Variants in PREX2 observed in about 807,000 individuals in gnomAD.
PREX2 encodes phosphatidylinositol 3,4,5-trisphosphate-dependent Rac exchanger 2 protein.
PREX2 carries 107 observed loss-of-function variants against 203.2 expected under a neutral mutation model. The ratio of observed to expected loss-of-function variants is 0.53; its 90% CI spans 0.45 to 0.62. The LOEUF is 0.62. Ranked by LOEUF, PREX2 falls within the 20% of genes least tolerant of loss-of-function variation. The pLI, the probability that PREX2 is intolerant of heterozygous loss-of-function variation, is 0.00. For synonymous variants in PREX2, 672 were observed against 663.6 expected, an observed-to-expected ratio of 1.01 and a Z score of -0.19; for missense variants, 1,777 against 1,955.9, an observed-to-expected ratio of 0.91 and a Z score of 1.72.
chr8:67,969,480 A>G (rs1454892912), intron 1 of PREX2, among the ~76,000 whole-genome samples: 1 of 152,082 alleles, frequency 6.6e-6, no homozygotes, highest in Non-Finnish European at 1.5e-5. Flanking sequence ...TGAGGGATGG[A>G]CCATCCCATA....
At position 67,952,373 on chromosome 8, in the gene PREX2, G is replaced by A. The variant is rs755683603; in HGVS notation, c.-22G>A. On this transcript the variant is annotated 5_prime_UTR_variant, in exon 1 of 40. Coordinates refer to ENST00000288368, the MANE Select transcript of PREX2 (RefSeq NM_024870.4). ...AGCGCTCAGCACGGCGGGCAGCGCC[G>A]CGCTGCGCACCGCCGCCGACCATGA... 1 of 1,516,330 alleles carries A rather than the reference G, an allele frequency of 6.6e-7. No homozygotes were observed. The highest frequency in any genetic ancestry group is 2.7e-5 in the East Asian group (1 of 37,392). The allele number at this position is 1,516,330 out of a possible 1,614,324, so 93.9% of individuals were successfully genotyped here.
Position 68,087,216 on chromosome 8 carries a change from A to C in PREX2, c.2028-508A>C, listed in dbSNP as rs529907983. ...TAAGTTATCCACCTACAAACTGACT[A>C]CTTGAAGATTCAAGGCTACGTTTAA... On this transcript the variant is annotated intron_variant, in intron 18 of 39. Transcript: ENST00000288368. Among the ~76,000 whole-genome samples, 3 of 152,290 alleles carry C rather than the reference A, an allele frequency of 2.0e-5. No individual in the cohort carries two copies. The East Asian group carries it at 5.8e-4, about 29-fold the overall frequency.
Position 68,038,164 on chromosome 8 carries a change from C to T in PREX2, c.711C>T (p.Ser237=), listed in dbSNP as rs1443724777. ...WQSHIEGWEG[S]NITDTCTEML... is the part of the protein sequence containing the mutation. The stretch of plus-strand genomic sequence containing the variant: ...TTGCATTTCTCCTGACTTAGGGGTC[C>T]AACATCACTGACACCTGCACTGAAA... Residue 237 remains serine (S), a synonymous_variant, in exon 7 of 40, where the codon TCC becomes TCT. Coordinates refer to ENST00000288368, the MANE Select transcript of PREX2 (RefSeq NM_024870.4). 2 of 1,613,268 alleles carry T rather than the reference C, an allele frequency of 1.2e-6. No individual in the cohort carries two copies. The highest frequency in any genetic ancestry group is 1.7e-6 in the Non-Finnish European group (2 of 1,179,430).
At chr8:68,130,275 G>A (rs896381053) in intron 31 of PREX2, among the ~76,000 whole-genome samples, 1 of 137,962 alleles carries the variant, frequency 7.2e-6, no homozygotes, top group Non-Finnish European at 1.6e-5. Context: ...GGGTGACAGA[G>A]CAAGATGCTC....
intron 33 of PREX2, among the ~76,000 whole-genome samples, chr8:68,143,367 C>T (rs147896493): frequency 1.3e-5 from 2 of 152,186 alleles, no homozygotes; most frequent in Non-Finnish European, 2.9e-5. Flanking sequence ...ATATGATGTG[C>T]CTGCTACCCC....
intron 6 of PREX2, among the ~76,000 whole-genome samples, chr8:68,036,827 T>C (rs950286377): frequency 2.0e-5 from 3 of 151,826 alleles, no homozygotes; most frequent in Admixed American, 1.3e-4. Context: ...CCTGTAATCC[T>C]AGCTACTCGG....
At chr8:68,201,206 AAAT>A (rs1347151721) in intron 37 of PREX2, among the ~76,000 whole-genome samples, 3 of 152,288 alleles carry the variant, frequency 2.0e-5, no homozygotes, top group Middle Eastern at 3.4e-3. Context: ...GACGTAAGAT[AAAT>A]TTTCCATCTT....
At chr8:68,021,291 T>C (rs4270945) in intron 3 of PREX2, among the ~76,000 whole-genome samples, 24,040 of 152,134 alleles carry the variant, frequency 0.16, 1,997 homozygotes, top group South Asian at 0.21. Context: ...CACCTAAAGA[T>C]CCTAGTTTTA....
chr8:68,067,949 T>C (rs886398437), intron 11 of PREX2, among the ~76,000 whole-genome samples: 22 of 152,154 alleles, frequency 1.4e-4, no homozygotes, highest in African/African-American at 5.1e-4. Flanking sequence ...CTAATGCTTT[T>C]TCTGCTTCTA....
intron 35 of PREX2, chr8:68,176,815 A>C (rs931889672): frequency 6.6e-6 from 1 of 152,194 alleles, no homozygotes; most frequent in East Asian, 1.9e-4. Context: ...GGCCCCACTG[A>C]GTAGAAAAGA....
At chr8:68,177,216 G>A (rs1028644132) in intron 35 of PREX2, 2 of 152,228 alleles carry the variant, frequency 1.3e-5, no homozygotes, top group Non-Finnish European at 2.9e-5. Context: ...TCTGTAGGCA[G>A]TTAATAAAGA....
intron 27 of PREX2, 87 bp from the exon 28 acceptor site, chr8:68,119,345 A>G (rs1810720391): frequency 5.9e-6 from 5 of 841,160 alleles, no homozygotes; most frequent in African/African-American, 3.4e-5. Context: ...TAATTTTTAC[A>G]TTTTATTGAA....
intron 35 of PREX2, among the ~76,000 whole-genome samples, chr8:68,162,287 G>C (rs944597497): frequency 4.6e-5 from 7 of 151,876 alleles, no homozygotes; most frequent in Non-Finnish European, 8.8e-5. Flanking sequence ...TAATTCCTTA[G>C]AAAGAGGTTT....
At chr8:68,156,596 CAG>C (rs2129613914) in intron 34 of PREX2, among the ~76,000 whole-genome samples, 1 of 152,220 alleles carries the variant, frequency 6.6e-6, no homozygotes, top group Admixed American at 6.5e-5. Flanking sequence ...GAAAAACAAA[CAG>C]AAGTTTAATA....
Position 68,146,372 on chromosome 8 carries a change from A to G in PREX2, c.4231+20A>G. 6.3e-7 allele frequency: 1 copy of G among 1,590,338 alleles called. No homozygotes were observed. On this transcript the variant is annotated intron_variant, in intron 34 of 39. Transcript: ENST00000288368. ...CACAAGGTAAACTGTTTCTCTTTTGATGGCTGCTATACTTTAATTATTTTA... is the reference window on the plus strand; with the variant it reads ...CACAAGGTAAACTGTTTCTCTTTTGGTGGCTGCTATACTTTAATTATTTTA...
intron 12 of PREX2, 77 bp downstream of exon 12, chr8:68,069,213 A>C: frequency 1.4e-6 from 1 of 728,276 alleles, no homozygotes; most frequent in Non-Finnish European, 2.3e-6. Flanking sequence ...GTAGTTGAGA[A>C]ACATAAAAGA....
intron 10 of PREX2, among the ~76,000 whole-genome samples, chr8:68,056,382 T>C (rs1457841064): frequency 1.3e-5 from 2 of 152,076 alleles, no homozygotes; most frequent in African/African-American, 2.4e-5. Context: ...TACCAGTTAA[T>C]TTAGAATTTA....
At chr8:68,059,608 T>C (rs1808783689) in intron 10 of PREX2, among the ~76,000 whole-genome samples, 1 of 152,234 alleles carries the variant, frequency 6.6e-6, no homozygotes, top group South Asian at 2.1e-4. Context: ...CAAATGAACA[T>C]ATACTTAGCA....
At chr8:67,997,242 CT>C (rs373931061) in intron 1 of PREX2, among the ~76,000 whole-genome samples, 3 of 150,964 alleles carry the variant, frequency 2.0e-5, no homozygotes, top group South Asian at 2.1e-4. Flanking sequence ...TTTCTCTCTT[CT>C]TTTTTTTTAG....
Sources: gnomAD v4.1 joint callset for allele counts (sites outside exome capture counted in the v4.1 genomes callset) on GRCh38, gnomAD v4.1.1 for gene constraint, MANE v1.5 for transcripts, NCBI Gene and HGNC (gene_info 2026-07-23, HGNC 2026-07-21) for gene names.